RIT2: variants seen among roughly 807,000 people sequenced by gnomAD.
RIT2 encodes Ras like without CAAX 2.
In RIT2, 24 loss-of-function variants were observed where a neutral mutation model predicts 23.7. The ratio of observed to expected loss-of-function variants is 1.01; its 90% confidence interval spans 0.73 to 1.43. The LOEUF is 1.43. Ranked by LOEUF, RIT2 falls within the 40% of genes most tolerant of loss-of-function variation. The probability of loss-of-function intolerance (pLI) is 0.00; values close to 1 mark genes in which losing one functional copy is unlikely to be tolerated. For missense variants in RIT2, 236 were observed against 266.9 expected, an observed-to-expected ratio of 0.88 and a Z score of 0.81; for synonymous variants, 107 against 91.1, an observed-to-expected ratio of 1.17 and a Z score of -0.99.
chr18:42,820,123 T>C (rs1197225035), intron 4 of RIT2, among the ~76,000 whole-genome samples: 2 of 152,118 alleles, frequency 1.3e-5, no homozygotes, highest in African/African-American at 4.8e-5. Context: ...TTTCCCCAAA[T>C]ATTTTGATCC....
At chr18:43,115,343 T>C (rs901231695) in intron 1 of RIT2, 74 bp downstream of exon 1, 2 of 1,566,454 alleles carry the variant, frequency 1.3e-6, no homozygotes, top group South Asian at 1.2e-5. Flanking sequence ...ATCAGCAATA[T>C]CATTTTTCTT....
chr18:43,062,430 T>G (rs1912669955), intron 1 of RIT2, among the ~76,000 whole-genome samples: 1 of 152,196 alleles, frequency 6.6e-6, no homozygotes, highest in African/African-American at 2.4e-5. Flanking sequence ...TGTAATCCAT[T>G]ATTCTTAGTA....
intron 2 of RIT2, among the ~76,000 whole-genome samples, chr18:42,981,257 C>G (rs1370948571): frequency 6.6e-6 from 1 of 152,092 alleles, no homozygotes; most frequent in East Asian, 1.9e-4. Flanking sequence ...ATCCTAAGAC[C>G]ATGATCTCTG....
intron 4 of RIT2, among the ~76,000 whole-genome samples, chr18:42,911,513 T>C (rs1908769197): frequency 6.6e-6 from 1 of 152,062 alleles, no homozygotes; most frequent in South Asian, 2.1e-4. Context: ...GGTAACTATA[T>C]AAGATAGTGA....
rs575996814 is a variant in RIT2 at position 43,103,376 on chromosome 18, T to C, written c.103+12041A>G. ...GAAAGACAATATAAAATCTATTTCC[T>C]ACTCCTCATGAATTTGCTATTAAAA... On this transcript the variant is annotated intron_variant, in intron 1 of 4. Transcript: ENST00000326695. 1.1e-4 allele frequency among the ~76,000 whole-genome samples: 16 copies of C among 152,354 alleles called. 1 individual carries two copies. The East Asian group carries it at 2.7e-3, about 26-fold the overall frequency.
At chr18:43,057,397 C>T (rs1462111415) in intron 1 of RIT2, among the ~76,000 whole-genome samples, 2 of 152,128 alleles carry the variant, frequency 1.3e-5, no homozygotes, top group African/African-American at 4.8e-5. Flanking sequence ...AACCTGTCAA[C>T]CTCATCTCCA....
At chr18:43,071,796 A>G (rs1912902914) in intron 1 of RIT2, among the ~76,000 whole-genome samples, 1 of 152,122 alleles carries the variant, frequency 6.6e-6, no homozygotes, top group African/African-American at 2.4e-5. Context: ...AGCATTATTA[A>G]GAGGAGAGGG....
chr18:42,844,452 AG>A (rs1230788161), intron 4 of RIT2, among the ~76,000 whole-genome samples: 1 of 152,136 alleles, frequency 6.6e-6, no homozygotes, highest in African/African-American at 2.4e-5. Flanking sequence ...AAGTGATGGA[AG>A]TGGTTCTCAG....
intron 4 of RIT2, among the ~76,000 whole-genome samples, chr18:42,847,749 G>C (rs899885747): frequency 1.3e-5 from 2 of 151,858 alleles, no homozygotes; most frequent in Admixed American, 1.3e-4. Context: ...CTTATAGTCT[G>C]CAGTATAATT....
chr18:42,802,035 A>G (rs963975431), intron 4 of RIT2, among the ~76,000 whole-genome samples: 1 of 152,186 alleles, frequency 6.6e-6, no homozygotes, highest in Non-Finnish European at 1.5e-5. Context: ...CTGACTTATT[A>G]AAAAGATTAC....
chr18:43,067,684 A>T (rs1303610735), intron 1 of RIT2, among the ~76,000 whole-genome samples: 1 of 152,208 alleles, frequency 6.6e-6, no homozygotes, highest in East Asian at 1.9e-4. Context: ...GCCACCAGGT[A>T]GCAGGCTTCA....
chr18:42,831,054 A>T (rs1381111532), intron 4 of RIT2, among the ~76,000 whole-genome samples: 1 of 152,218 alleles, frequency 6.6e-6, no homozygotes, highest in Admixed American at 6.5e-5. Flanking sequence ...TGACCTCCTG[A>T]CCATGATGTA....
chr18:43,092,120 G>A (rs1357678851), intron 1 of RIT2, among the ~76,000 whole-genome samples: 1 of 151,938 alleles, frequency 6.6e-6, no homozygotes, highest in East Asian at 1.9e-4. Context: ...CAACATACCG[G>A]GACCTCTACC....
At chr18:43,054,988 C>T (rs781422685) in intron 1 of RIT2, among the ~76,000 whole-genome samples, 1 of 152,052 alleles carries the variant, frequency 6.6e-6, no homozygotes, top group African/African-American at 2.4e-5. Context: ...GGATTCACCT[C>T]GGTTACTGTT....
Position 43,077,601 on chromosome 18 carries a change from A to C in RIT2, c.103+37816T>G, listed in dbSNP as rs117284223. 5.0e-3 allele frequency among the ~76,000 whole-genome samples: 757 copies of C among 152,366 alleles called. 5 individuals carry two copies. Among genetic ancestry groups the C allele is most frequent in the Non-Finnish European group, 8.8e-3 (597 of 68,034 alleles). ...CTCCAGTTCTTGTCCAGGATTAAGC[A>C]CTAACTGGCTTTACGGCTATGATGA... is the stretch of plus-strand genomic sequence containing the variant. On this transcript the variant is annotated intron_variant, in intron 1 of 4. Coordinates refer to ENST00000326695, the MANE Select transcript of RIT2 (RefSeq NM_002930.4).
At chr18:43,086,873 T>G (rs1913294889) in intron 1 of RIT2, among the ~76,000 whole-genome samples, 1 of 152,120 alleles carries the variant, frequency 6.6e-6, no homozygotes, top group Non-Finnish European at 1.5e-5. Flanking sequence ...AGAGTGCAAT[T>G]AGAGCTCAAA....
intron 1 of RIT2, among the ~76,000 whole-genome samples, chr18:43,092,611 A>G (rs569921503): frequency 1.3e-5 from 2 of 152,144 alleles, no homozygotes; most frequent in South Asian, 4.2e-4. Context: ...CAGATCAAAA[A>G]CCAATGTGAT....
At chr18:43,021,497 T>C (rs1481387972) in intron 2 of RIT2, among the ~76,000 whole-genome samples, 1 of 152,034 alleles carries the variant, frequency 6.6e-6, no homozygotes, top group African/African-American at 2.4e-5. Flanking sequence ...TCAGGTTGAG[T>C]TGTTATCCCC....
At chr18:42,814,361 C>G (rs1291435838) in intron 4 of RIT2, among the ~76,000 whole-genome samples, 1 of 152,156 alleles carries the variant, frequency 6.6e-6, no homozygotes, top group Admixed American at 6.5e-5. Flanking sequence ...TGGAAACAGA[C>G]TCGGTGCTAT....
Sources: allele counts gnomAD v4.1 joint callset (sites outside exome capture counted in the v4.1 genomes callset), GRCh38; gene constraint gnomAD v4.1.1; transcripts MANE v1.5; gene names NCBI Gene and HGNC (gene_info 2026-07-23, HGNC 2026-07-21).